The following MARCHF4 variants were observed in gnomAD, a reference collection of about 807,000 sequenced individuals.
The protein encoded by MARCHF4 is membrane associated ring-CH-type finger 4, also known as E3 ubiquitin-protein ligase MARCHF4.
In MARCHF4, 14 loss-of-function variants were observed where a neutral mutation model predicts 43.9. That is an observed-to-expected ratio of 0.32 (90% CI 0.21 to 0.50). MARCHF4 has a LOEUF of 0.50. Ranked by LOEUF, MARCHF4 falls within the 20% of genes least tolerant of loss-of-function variation. MARCHF4 has a pLI of 0.98. For missense variants in MARCHF4, 468 were observed against 536.7 expected (o/e 0.87, Z 1.27); for synonymous variants, 226 against 213.3 (o/e 1.06, Z -0.52).
At chr2:216,261,891 C>A (rs1328484443) in intron 3 of MARCHF4, among the ~76,000 whole-genome samples, 1 of 152,128 alleles carries the variant, frequency 6.6e-6, no homozygotes, top group Admixed American at 6.5e-5. Flanking sequence ...GGGGTAGAAG[C>A]AAGACCAGCA....
intron 1 of MARCHF4, among the ~76,000 whole-genome samples, chr2:216,302,217 C>T (rs571269250): frequency 6.6e-6 from 1 of 151,346 alleles, no homozygotes; most frequent in African/African-American, 2.4e-5. Context: ...TATTTATTTT[C>T]AAAAAAAAAT....
Position 216,334,526 on chromosome 2 carries a change from A to T in MARCHF4, c.516+35219T>A, listed in dbSNP as rs556687838. 6.6e-4 allele frequency among the ~76,000 whole-genome samples: 100 copies of T among 152,040 alleles called. 2 individuals carry two copies. In the Middle Eastern group the frequency reaches 0.017, roughly 26 times the overall value. On this transcript the variant is annotated intron_variant, in intron 1 of 3. Transcript: ENST00000273067. ...AGTGATCCTCCTGCCTTAGCCTCCCATGTAGCTAAGACTACAGTTGCAGGC... is the reference window on the plus strand; with the variant it reads ...AGTGATCCTCCTGCCTTAGCCTCCCTTGTAGCTAAGACTACAGTTGCAGGC...
chr2:216,303,243 C>T (rs1691523337), intron 1 of MARCHF4: 1 of 152,226 alleles, frequency 6.6e-6, no homozygotes, highest in Non-Finnish European at 1.5e-5. Flanking sequence ...GGTTCATTGT[C>T]CTTAAAAGGC....
At chr2:216,363,633 A>G (rs2105985881) in intron 1 of MARCHF4, among the ~76,000 whole-genome samples, 1 of 152,300 alleles carries the variant, frequency 6.6e-6, no homozygotes, top group South Asian at 2.1e-4. Context: ...TCTTGGAGGT[A>G]ACTGTGCTCC....
chr2:216,286,907 ACT>A (rs1691226952), intron 1 of MARCHF4, among the ~76,000 whole-genome samples: 1 of 152,210 alleles, frequency 6.6e-6, no homozygotes, highest in Admixed American at 6.5e-5. Context: ...CTACATGGAC[ACT>A]GAGATGAATT....
rs566600083 is a variant in MARCHF4, at chr2:216,358,442, T to C, written c.516+11303A>G. Among the ~76,000 whole-genome samples, 9 of 152,310 alleles carry C rather than the reference T, an allele frequency of 5.9e-5. No individual in the cohort carries two copies. The South Asian group carries it at 1.9e-3, about 32-fold the overall frequency. On this transcript the variant is annotated intron_variant, in intron 1 of 3. Transcript: ENST00000273067. ...TTTAGAACATTCTTCTAGGGAGGCA[T>C]CTGCTATAGATAGAAGGAGGAATTG...
At chr2:216,368,647 T>A (rs1574490278) in intron 1 of MARCHF4, among the ~76,000 whole-genome samples, 1 of 152,238 alleles carries the variant, frequency 6.6e-6, no homozygotes, top group Admixed American at 6.5e-5. Context: ...CCTACTGCAC[T>A]GCCACTTCCT....
intron 1 of MARCHF4, among the ~76,000 whole-genome samples, chr2:216,330,302 G>A (rs1038343145): frequency 6.6e-6 from 1 of 152,108 alleles, no homozygotes; most frequent in African/African-American, 2.4e-5. Context: ...TATGGTCAAT[G>A]TGTCAGGAAA....
chr2:216,317,271 TTA>T (rs1335494604), intron 1 of MARCHF4, among the ~76,000 whole-genome samples: 4 of 152,344 alleles, frequency 2.6e-5, no homozygotes, highest in African/African-American at 9.6e-5. Flanking sequence ...GGGAATATTT[TTA>T]TGTGTATTTA....
intron 1 of MARCHF4, among the ~76,000 whole-genome samples, chr2:216,369,435 GT>G (rs1445742518): frequency 6.6e-6 from 1 of 152,190 alleles, no homozygotes; most frequent in Non-Finnish European, 1.5e-5. Flanking sequence ...GTACCACCAA[GT>G]TTCTTCACTC....
At chr2:216,329,899 A>G (rs1692058785) in intron 1 of MARCHF4, among the ~76,000 whole-genome samples, 1 of 151,838 alleles carries the variant, frequency 6.6e-6, no homozygotes, top group African/African-American at 2.4e-5. Context: ...CAGCCTGGGT[A>G]GCATTGTGAC....
At chr2:216,311,271 T>C (rs1691682305) in intron 1 of MARCHF4, among the ~76,000 whole-genome samples, 1 of 152,132 alleles carries the variant, frequency 6.6e-6, no homozygotes, top group South Asian at 2.1e-4. Flanking sequence ...GGGGGGGATC[T>C]CACTTTGTCA....
chr2:216,263,511 G>A (rs1053192700), intron 3 of MARCHF4, among the ~76,000 whole-genome samples: 32 of 61,772 alleles, frequency 5.2e-4, no homozygotes, highest in Non-Finnish European at 1.1e-3. Flanking sequence ...GAGAGAGAGA[G>A]AGAGAGAGAG....
intron 1 of MARCHF4, among the ~76,000 whole-genome samples, chr2:216,346,829 G>A (rs1313673926): frequency 2.6e-5 from 4 of 152,200 alleles, no homozygotes; most frequent in African/African-American, 9.7e-5. Context: ...GATAGGGTTT[G>A]AGTCTGTGTC....
At chr2:216,274,741 C>G (rs532488460) in intron 3 of MARCHF4, among the ~76,000 whole-genome samples, 19 of 152,296 alleles carry the variant, frequency 1.2e-4, no homozygotes, top group African/African-American at 4.6e-4. Context: ...TATGAAAACC[C>G]TGAACTGAGA....
intron 1 of MARCHF4, among the ~76,000 whole-genome samples, chr2:216,349,293 G>A (rs150106759): frequency 6.6e-6 from 1 of 152,278 alleles, no homozygotes; most frequent in African/African-American, 2.4e-5. Context: ...ATACTGGTTA[G>A]GAAAACAAAA....
intron 1 of MARCHF4, among the ~76,000 whole-genome samples, chr2:216,326,169 T>G (rs1366022198): frequency 1.3e-5 from 2 of 151,856 alleles, no homozygotes; most frequent in Non-Finnish European, 2.9e-5. Flanking sequence ...CAGACACTTC[T>G]CAAAAGAAGA....
intron 1 of MARCHF4, among the ~76,000 whole-genome samples, chr2:216,352,559 G>A (rs867082215): frequency 1.3e-5 from 2 of 152,012 alleles, no homozygotes; most frequent in African/African-American, 4.8e-5. Flanking sequence ...GTCCCACTAT[G>A]TTGCCCAGGC....
Position 216,354,927 on chromosome 2 carries a change from C to G in MARCHF4, c.516+14818G>C, listed in dbSNP as rs564118592. On this transcript the variant is annotated intron_variant, in intron 1 of 3. Coordinates refer to ENST00000273067, the MANE Select transcript of MARCHF4 (RefSeq NM_020814.3). ...TCTTTCTTTCTTTCTTTCTTTCTTT[C>G]TTTCTTTCTTTCTTTCTTTCTTTCT... is the stretch of plus-strand genomic sequence containing the variant. Among the ~76,000 whole-genome samples, 419 of 127,538 alleles carry G rather than the reference C, an allele frequency of 3.3e-3. 3 individuals carry two copies. Among genetic ancestry groups the G allele is most frequent in the Non-Finnish European group, 4.1e-3 (257 of 61,984 alleles). 83.7% of individuals were successfully genotyped at this position (127,538 alleles called of 152,430 possible). A position where few individuals can be genotyped will look rare whatever the true frequency, so the allele number is the denominator to read the frequency against.
Sources: gnomAD v4.1 joint callset for allele counts (sites outside exome capture counted in the v4.1 genomes callset) on GRCh38, gnomAD v4.1.1 for gene constraint, MANE v1.5 for transcripts, NCBI Gene and HGNC (gene_info 2026-07-23, HGNC 2026-07-21) for gene names.